The following DSG2 variants were observed in gnomAD, a reference collection of about 807,000 sequenced individuals.
DSG2 encodes the protein desmoglein 2.
A neutral mutation model predicts 75.6 loss-of-function variants in DSG2; 45 were observed. The observed-to-expected ratio is 0.60, with a 90% CI of 0.47 to 0.76. The LOEUF is 0.76. Among genes scored for constraint, DSG2 ranks in the 30% least tolerant of loss-of-function variants. The pLI is 0.00. For synonymous variants in DSG2, 429 were observed against 483.9 expected (o/e 0.89, Z 1.49); for missense variants, 1,267 against 1,357.4 (o/e 0.93, Z 1.05).
intron 1 of DSG2, among the ~76,000 whole-genome samples, chr18:31,499,011 C>G (rs954844979): frequency 6.6e-6 from 1 of 152,102 alleles, no homozygotes; most frequent in African/African-American, 2.4e-5. Context: ...CGCCCCACCC[C>G]TCACTCCCGG....
intron 1 of DSG2, among the ~76,000 whole-genome samples, chr18:31,517,635 T>G (rs2155949): frequency 0.055 from 8,408 of 152,194 alleles, 616 homozygotes; most frequent in East Asian, 0.17. Context: ...TGGGAGTTTT[T>G]TGGGCAAATT....
chr18:31,506,004 C>T (rs1038377576), intron 1 of DSG2, among the ~76,000 whole-genome samples: 5 of 152,148 alleles, frequency 3.3e-5, no homozygotes, highest in Non-Finnish European at 5.9e-5. Context: ...ACAAATTGGG[C>T]GTCTACTATA....
chr18:31,535,119 A>G, intron 9 of DSG2, 151 bp from the exon 10 acceptor site: 2 of 631,746 alleles, frequency 3.2e-6, no homozygotes. Context: ...GGCTTTTAGG[A>G]TGGTTTTGCA....
At chr18:31,513,723 T>C (rs1223605306) in intron 1 of DSG2, among the ~76,000 whole-genome samples, 1 of 152,218 alleles carries the variant, frequency 6.6e-6, no homozygotes, top group Non-Finnish European at 1.5e-5. Context: ...TGGGTTAGAC[T>C]TAATGACTCA....
chr18:31,525,798 A>G (rs138550071), intron 8 of DSG2, among the ~76,000 whole-genome samples: 51 of 152,280 alleles, frequency 3.3e-4, no homozygotes, highest in African/African-American at 1.2e-3. Context: ...AATTGAGTCA[A>G]TGGAGGGAAA....
chr18:31,531,454 C>T (rs2073198411), intron 9 of DSG2, among the ~76,000 whole-genome samples: 1 of 152,180 alleles, frequency 6.6e-6, no homozygotes, highest in Non-Finnish European at 1.5e-5. Context: ...CTTCTTCAAC[C>T]ACCTGTGTGT....
chr18:31,530,306 C>T (rs968306784), intron 8 of DSG2, among the ~76,000 whole-genome samples: 7 of 151,958 alleles, frequency 4.6e-5, no homozygotes, highest in Admixed American at 4.6e-4. Context: ...TAAAATAAAC[C>T]CATAGAACAC....
chr18:31,542,293 G>T (rs986300951), intron 13 of DSG2: 7 of 594,676 alleles, frequency 1.2e-5, no homozygotes, highest in Non-Finnish European at 2.1e-5. Flanking sequence ...GACTGTTTGG[G>T]CTTTGTTTTC....
intron 8 of DSG2, among the ~76,000 whole-genome samples, chr18:31,528,163 G>GA (rs2073173673): frequency 6.6e-6 from 1 of 152,104 alleles, no homozygotes; most frequent in South Asian, 2.1e-4. Flanking sequence ...TTACACAAGA[G>GA]TAGTTATATG....
chr18:31,508,976 AT>A (rs2073053068), intron 1 of DSG2, among the ~76,000 whole-genome samples: 1 of 152,168 alleles, frequency 6.6e-6, no homozygotes, highest in Non-Finnish European at 1.5e-5. Context: ...TCTGTGTTTT[AT>A]CAAGGTGATT....
At chr18:31,500,450 C>G (rs2073007902) in intron 1 of DSG2, among the ~76,000 whole-genome samples, 1 of 152,160 alleles carries the variant, frequency 6.6e-6, no homozygotes, top group Admixed American at 6.5e-5. Context: ...AACATGGATG[C>G]TTGTACCTTG....
intron 1 of DSG2, among the ~76,000 whole-genome samples, chr18:31,517,579 T>C (rs2073101235): frequency 1.3e-5 from 2 of 152,208 alleles, no homozygotes; most frequent in Admixed American, 6.5e-5. Flanking sequence ...AATGCATCAA[T>C]TTTTAAAATT....
intron 9 of DSG2, among the ~76,000 whole-genome samples, chr18:31,532,126 C>T (rs957700033): frequency 1.3e-5 from 2 of 152,150 alleles, no homozygotes; most frequent in African/African-American, 2.4e-5. Context: ...AATAAAAATA[C>T]GTTAGACCAA....
intron 1 of DSG2, among the ~76,000 whole-genome samples, chr18:31,515,191 C>T (rs1013031149): frequency 4.6e-5 from 7 of 152,140 alleles, no homozygotes; most frequent in Admixed American, 1.3e-4. Flanking sequence ...CAAACTCTGC[C>T]TCCCGGGTTC....
rs375740419 is a variant in DSG2, at chr18:31,531,078, A to T, written c.1106A>T (p.Lys369Met). The change falls in exon 9 of 15, where the codon AAG becomes ATG. Residue 369 changes from lysine to methionine, a missense_variant. By Grantham distance (95) the Lys-to-Met change is moderately conservative (BLOSUM62 -1). Transcript: ENST00000261590. The part of the protein sequence containing the change: ...AFHKSIRSKY[K>M]PTPIPIKVKV... ...CACAAGTCGATTAGGAGTAAATACAAGCCTACACCCATTCCCATCAAGGTC... is the reference window on the plus strand; with the variant it reads ...CACAAGTCGATTAGGAGTAAATACATGCCTACACCCATTCCCATCAAGGTC... 4 of 1,614,032 alleles carry T rather than the reference A, an allele frequency of 2.5e-6. No homozygotes were observed. In the African/African-American group the frequency reaches 4.0e-5, roughly 16 times the overall value.
At position 31,531,014 on chromosome 18, in the gene DSG2, C is replaced by G. The variant is rs1173281259; in HGVS notation, c.1042C>G (p.Leu348Val). The change falls in exon 9 of 15, where the codon CTT becomes GTT. Residue 348 changes from leucine (L) to valine (V), a missense_variant. Leu to Val is a conservative substitution (Grantham distance 32). Transcript: ENST00000261590. Reference sequence around the variant, plus strand: ...AGTAGATTATGAAGAAATGAAGAATCTTGACTTCAGTGTTATTGTCGCTAA... The same window carrying G: ...AGTAGATTATGAAGAAATGAAGAATGTTGACTTCAGTGTTATTGTCGCTAA... Reference protein sequence around the residue: ...KEVDYEEMKNLDFSVIVANKA... With the variant: ...KEVDYEEMKNVDFSVIVANKA... 1 of 1,614,022 alleles carries G rather than the reference C, an allele frequency of 6.2e-7. No individual in the cohort carries two copies. Among genetic ancestry groups the G allele is most frequent in the East Asian group, 2.2e-5 (1 of 44,844 alleles).
intron 1 of DSG2, among the ~76,000 whole-genome samples, chr18:31,516,141 G>GTTT (rs139697229): frequency 6.7e-6 from 1 of 149,350 alleles, no homozygotes; most frequent in Non-Finnish European, 1.5e-5. Flanking sequence ...GAGGGATCTG[G>GTTT]TTTTTTTTTT....
At chr18:31,524,971 A>G in intron 8 of DSG2, 83 bp downstream of exon 8, 1 of 1,300,354 alleles carries the variant, frequency 7.7e-7, no homozygotes, top group Non-Finnish European at 1.1e-6. Flanking sequence ...TGAACACTTA[A>G]AAGTGCTTTA....
At position 31,524,720 on chromosome 18, in the gene DSG2, A is replaced by G. The variant is rs752126487; in HGVS notation, c.846A>G (p.Glu282=). ...VENKVLEGMV[E]ENQVNVEVTR... ...TTTTGCAGCTTGAAGGGATGGTTGA[A>G]GAAAATCAAGTCAACGTAGAAGTTA... is the stretch of plus-strand genomic sequence containing the variant. Residue 282 remains glutamate, a synonymous_variant, in exon 8 of 15, where the codon GAA becomes GAG. Coordinates refer to ENST00000261590, the MANE Select transcript of DSG2 (RefSeq NM_001943.5). 2 of 1,614,082 alleles carry G rather than the reference A, an allele frequency of 1.2e-6. No homozygotes were observed. The highest frequency in any genetic ancestry group is 2.2e-5 in the East Asian group (1 of 44,882).
Sources: gnomAD v4.1 joint callset for allele counts (sites outside exome capture counted in the v4.1 genomes callset) on GRCh38, gnomAD v4.1.1 for gene constraint, MANE v1.5 for transcripts, NCBI Gene and HGNC (gene_info 2026-07-23, HGNC 2026-07-21) for gene names.